The following CUL1 variants were observed in gnomAD, a reference collection of about 807,000 sequenced individuals.
CUL1 encodes cullin 1.
A neutral mutation model predicts 118.0 loss-of-function variants in CUL1; 24 were observed. The ratio of observed to expected loss-of-function variants is 0.20; its 90% CI spans 0.15 to 0.29. The LOEUF (loss-of-function observed/expected upper bound fraction) is 0.29. Among genes scored for constraint, CUL1 ranks in the 10% least tolerant of loss-of-function variants. The probability of loss-of-function intolerance (pLI) is 1.00; values close to 1 mark genes in which losing one functional copy is unlikely to be tolerated. For missense variants in CUL1, 361 were observed against 933.8 expected (o/e 0.39, Z 7.99); for synonymous variants, 332 against 340.4 (o/e 0.98, Z 0.27).
At chr7:148,769,744 T>C (rs1002429455) in intron 9 of CUL1, among the ~76,000 whole-genome samples, 1 of 152,150 alleles carries the variant, frequency 6.6e-6, no homozygotes, top group African/African-American at 2.4e-5. Context: ...AAAATAAACA[T>C]GATAGCTGGG....
chr7:148,736,433 G>A (rs1385767301), intron 2 of CUL1, among the ~76,000 whole-genome samples: 1 of 151,976 alleles, frequency 6.6e-6, no homozygotes, highest in African/African-American at 2.4e-5. Context: ...TCAACCTCCT[G>A]AGTAGCTGTG....
rs551005332 is a variant in CUL1, at chr7:148,751,353, A to G, written c.141-2623A>G. 1.8e-4 allele frequency among the ~76,000 whole-genome samples: 28 copies of G among 152,016 alleles called. 1 individual carries two copies. Among genetic ancestry groups the G allele is most frequent in the Admixed American group, 1.6e-3 (25 of 15,272 alleles). ...GCCTGAGGTCAGGAGTTCAAGACCA[A>G]CCTGACCAATATGGTGAAACCCTGT... On this transcript the variant is annotated intron_variant, in intron 2 of 21. Transcript: ENST00000325222.
chr7:148,800,379 C>G lies in CUL1; in HGVS notation c.2251-123C>G. Reference sequence around the variant, plus strand: ...TGCTAACAGATCTGGGGCGGGGACACTGCTCCCCACTGAGCTCCGAATCAG... The same window carrying G: ...TGCTAACAGATCTGGGGCGGGGACAGTGCTCCCCACTGAGCTCCGAATCAG... On this transcript the variant is annotated intron_variant, in intron 21 of 21. Coordinates refer to ENST00000325222, the MANE Select transcript of CUL1 (RefSeq NM_003592.3). The surrounding 1 kb of genome is among the most constrained non-coding windows in gnomAD (Gnocchi z 4.6). 2.7e-6 allele frequency: 2 copies of G among 731,626 alleles called. No individual in the cohort carries two copies. The highest frequency in any genetic ancestry group is 4.7e-6 in the Non-Finnish European group (2 of 426,930). The allele number at this position is 731,626 out of a possible 1,614,324, so 45.3% of individuals were successfully genotyped here.
At chr7:148,764,350 C>A (rs1456450224) in intron 7 of CUL1, among the ~76,000 whole-genome samples, 5 of 152,162 alleles carry the variant, frequency 3.3e-5, no homozygotes, top group Non-Finnish European at 7.3e-5. Flanking sequence ...TTTCTGAAAC[C>A]TGATGACAAT....
At chr7:148,789,487 C>T (rs1021162358) in intron 14 of CUL1, among the ~76,000 whole-genome samples, 8 of 152,054 alleles carry the variant, frequency 5.3e-5, no homozygotes, top group East Asian at 1.9e-4. Context: ...GCAGGGCAGG[C>T]GTGTGACAGC....
chr7:148,785,267 C>G (rs1297475135), intron 11 of CUL1, among the ~76,000 whole-genome samples: 1 of 152,046 alleles, frequency 6.6e-6, no homozygotes, highest in Non-Finnish European at 1.5e-5. Flanking sequence ...ATTGGAAGGC[C>G]TCTGATGACT....
chr7:148,724,788 T>TCTC (rs1470162203), intron 1 of CUL1, among the ~76,000 whole-genome samples: 1 of 152,226 alleles, frequency 6.6e-6, no homozygotes, highest in East Asian at 1.9e-4. Context: ...ATGCCAAGGA[T>TCTC]CTCCTATACC....
At chr7:148,749,901 C>G (rs915053201) in intron 2 of CUL1, among the ~76,000 whole-genome samples, 1 of 152,182 alleles carries the variant, frequency 6.6e-6, no homozygotes, top group African/African-American at 2.4e-5. Context: ...AAGCGCTGCT[C>G]CAGTGAATGC....
intron 2 of CUL1, among the ~76,000 whole-genome samples, chr7:148,734,876 C>T (rs1054870238): frequency 1.3e-5 from 2 of 152,142 alleles, no homozygotes; most frequent in Admixed American, 1.3e-4. Flanking sequence ...CATAATTTTA[C>T]CTTCCCTTGG....
chr7:148,709,577 A>G (rs1030978409), intron 1 of CUL1, among the ~76,000 whole-genome samples: 2 of 152,218 alleles, frequency 1.3e-5, no homozygotes, highest in African/African-American at 4.8e-5. Flanking sequence ...AAAGTAAGCT[A>G]CTTGAAGTAT....
At chr7:148,778,380 C>G (rs549503874) in intron 9 of CUL1, among the ~76,000 whole-genome samples, 4 of 152,224 alleles carry the variant, frequency 2.6e-5, no homozygotes, top group African/African-American at 9.6e-5. Flanking sequence ...AACCTCAGAA[C>G]CATGCTGGGT....
chr7:148,736,541 A>C (rs1351805252), intron 2 of CUL1, among the ~76,000 whole-genome samples: 1 of 152,066 alleles, frequency 6.6e-6, no homozygotes, highest in Non-Finnish European at 1.5e-5. Context: ...GGCTTCAAGC[A>C]GTCCTCCCAC....
intron 1 of CUL1, among the ~76,000 whole-genome samples, chr7:148,726,943 T>A (rs1798605289): frequency 6.6e-6 from 1 of 151,850 alleles, no homozygotes. Flanking sequence ...GCCCAGGGGG[T>A]TGAGGCTGCA....
intron 9 of CUL1, among the ~76,000 whole-genome samples, chr7:148,780,379 A>G (rs929981035): frequency 1.8e-4 from 28 of 152,338 alleles, no homozygotes; most frequent in African/African-American, 6.3e-4. Context: ...AATTGTGAAT[A>G]TATTTGAATT....
chr7:148,725,219 G>GCGCACGCGCACACACACACACACACACA, intron 1 of CUL1, among the ~76,000 whole-genome samples: 183 of 140,128 alleles, frequency 1.3e-3, no homozygotes, highest in African/African-American at 4.9e-3. Context: ...ACACGCGCGC[G>GCGCACGCGCACACACACACACACACACA]CTCACACACA....
chr7:148,798,850 T>C (rs1399784287), intron 20 of CUL1, among the ~76,000 whole-genome samples, 173 bp downstream of exon 20: 3 of 152,118 alleles, frequency 2.0e-5, no homozygotes, highest in Non-Finnish European at 4.4e-5. Context: ...TCTGAATTAG[T>C]CCTTTATGTC....
At chr7:148,783,402 G>T (rs1800712714) in intron 9 of CUL1, 1 of 985,362 alleles carries the variant, frequency 1.0e-6, no homozygotes, top group South Asian at 4.7e-5. Context: ...ACCGACCTCG[G>T]CGGCTAAACG....
chr7:148,746,971 GT>G lies in CUL1; in HGVS notation c.141-6999del, dbSNP rs367654555. ...AAGTTTGACAAATAGCTTGTTACGA[GT>G]TTTTTGCCATTAGGAGCAATGCTGT... On this transcript the variant is annotated intron_variant, in intron 2 of 21. Coordinates refer to ENST00000325222, the MANE Select transcript of CUL1 (RefSeq NM_003592.3). Among the ~76,000 whole-genome samples, 50 of 152,302 alleles carry G rather than the reference GT, an allele frequency of 3.3e-4. No homozygotes were observed. In the South Asian group the frequency reaches 0.01, roughly 32 times the overall value.
intron 1 of CUL1, among the ~76,000 whole-genome samples, chr7:148,723,672 AAAG>A (rs1798468525): frequency 6.6e-6 from 1 of 152,164 alleles, no homozygotes; most frequent in African/African-American, 2.4e-5. Flanking sequence ...CAAAAAAAAA[AAAG>A]AGGTATATTT....
Sources: gnomAD v4.1 joint callset for allele counts (sites outside exome capture counted in the v4.1 genomes callset) on GRCh38, gnomAD v4.1.1 for gene constraint, Gnocchi (gnomAD v3.1) non-coding constraint, MANE v1.5 for transcripts, NCBI Gene and HGNC (gene_info 2026-07-23, HGNC 2026-07-21) for gene names.